Variants in CENPK observed in about 807,000 individuals in gnomAD.
The protein encoded by CENPK is centromere protein K.
Under a neutral mutation model 40.9 loss-of-function variants are expected in CENPK, and 46 were observed. The observed-to-expected ratio is 1.13, with a 90% CI of 0.89 to 1.44. CENPK has a LOEUF of 1.44. Ranked by LOEUF, CENPK falls within the 40% of genes most tolerant of loss-of-function variation. The pLI is 0.00. For missense variants in CENPK, 288 were observed against 303.5 expected (o/e 0.95, Z 0.38); for synonymous variants, 107 against 104.4 (o/e 1.02, Z -0.15).
chr5:65,553,958 G>A (rs1750557363), intron 3 of CENPK, among the ~76,000 whole-genome samples: 1 of 151,936 alleles, frequency 6.6e-6, no homozygotes. Flanking sequence ...TTTATGTTCT[G>A]GTCCCTGATT....
the CENPK span, among the ~76,000 whole-genome samples, chr5:65,502,459 G>C: frequency 1.3e-5 from 2 of 152,218 alleles, no homozygotes; most frequent in Admixed American, 1.3e-4. Flanking sequence ...AGGAGGAATA[G>C]AGAGGAGTGT....
chr5:65,510,481 A>G, the CENPK span, among the ~76,000 whole-genome samples: 1 of 152,152 alleles, frequency 6.6e-6, no homozygotes, highest in African/African-American at 2.4e-5. Flanking sequence ...GCTCTAATGA[A>G]TGAAAAATGG....
At chr5:65,526,075 C>A (rs1744657653) in intron 9 of CENPK, among the ~76,000 whole-genome samples, 1 of 152,056 alleles carries the variant, frequency 6.6e-6, no homozygotes, top group Non-Finnish European at 1.5e-5. Context: ...AGTCCTTATA[C>A]ATCATAAAAA....
In CENPK at chr5:65,554,663, T is replaced by C; in HGVS notation, c.111+134A>G. 20 of 627,626 alleles carry C rather than the reference T, an allele frequency of 3.2e-5. 2 individuals carry two copies. In the South Asian group the frequency reaches 4.1e-4, roughly 13 times the overall value. The allele number at this position is 627,626 out of a possible 1,614,324, so 38.9% of individuals were successfully genotyped here. A position where few individuals can be genotyped will look rare whatever the true frequency, so the allele number is the denominator to read the frequency against. ...TTTCTTGAATGAATGCTGATAGGTCTAAAAGCTATATAAATATTTATCATA... is the reference window on the plus strand; with the variant it reads ...TTTCTTGAATGAATGCTGATAGGTCCAAAAGCTATATAAATATTTATCATA... On this transcript the variant is annotated intron_variant, in intron 3 of 10. Coordinates refer to ENST00000396679, the MANE Select transcript of CENPK (RefSeq NM_022145.5).
intron 9 of CENPK, 147 bp downstream of exon 9, chr5:65,528,305 T>G (rs1745108774): frequency 2.0e-6 from 1 of 499,492 alleles, no homozygotes; most frequent in Non-Finnish European, 2.9e-6. Context: ...ATTAGGTTGC[T>G]TCTAGTCTTT....
chr5:65,545,378 A>G (rs1748741918), intron 5 of CENPK, among the ~76,000 whole-genome samples: 1 of 133,538 alleles, frequency 7.5e-6, no homozygotes, highest in African/African-American at 2.9e-5. Flanking sequence ...ACACACACAC[A>G]CACGCCTTCT....
chr5:65,553,100 C>CAAAAAAT (rs1435910232), intron 3 of CENPK, among the ~76,000 whole-genome samples: 2 of 151,348 alleles, frequency 1.3e-5, no homozygotes, highest in African/African-American at 4.9e-5. Context: ...ATACCTGAAG[C>CAAAAAAT]AAAAAATAAA....
At chr5:65,546,935 A>G (rs1023500454) in intron 5 of CENPK, among the ~76,000 whole-genome samples, 1 of 152,230 alleles carries the variant, frequency 6.6e-6, no homozygotes, top group African/African-American at 2.4e-5. Context: ...TATTATAGAT[A>G]TAACACATAA....
chr5:65,536,182 T>C (rs545021146), intron 6 of CENPK, among the ~76,000 whole-genome samples: 4 of 152,360 alleles, frequency 2.6e-5, no homozygotes, highest in African/African-American at 4.8e-5. Flanking sequence ...GTTTGGATTC[T>C]GGCCACTCTA....
At chr5:65,547,605 T>C (rs533183473) in intron 5 of CENPK, among the ~76,000 whole-genome samples, 2 of 151,974 alleles carry the variant, frequency 1.3e-5, no homozygotes, top group African/African-American at 4.8e-5. Context: ...AAAGCAAGAA[T>C]ATGGATAAAA....
At chr5:65,540,651 TA>T (rs1747798163) in intron 6 of CENPK, among the ~76,000 whole-genome samples, 1 of 152,086 alleles carries the variant, frequency 6.6e-6, no homozygotes, top group Non-Finnish European at 1.5e-5. Context: ...GAAGCTTCCA[TA>T]AAACCCCAAA....
chr5:65,516,850 A>G (rs1364769528), downstream of CENPK, among the ~76,000 whole-genome samples: 1 of 152,222 alleles, frequency 6.6e-6, no homozygotes, highest in Non-Finnish European at 1.5e-5. Context: ...AGTATTTGAT[A>G]CACTCCATTT....
Position 65,552,531 on chromosome 5 carries a change from G to C in CENPK, c.130C>G (p.Leu44Val), listed in dbSNP as rs775330841. 9.7e-6 allele frequency: 15 copies of C among 1,543,616 alleles called. No individual in the cohort carries two copies. Among genetic ancestry groups the C allele is most frequent in the African/African-American group, 1.4e-5 (1 of 71,404 alleles). Residue 44 changes from leucine to valine, a missense_variant, in exon 4 of 11, where the codon CTT becomes GTT. Transcript: ENST00000396679. The part of the protein sequence containing the change: ...DMEECQNKLS[L>V]IGTETLTDSN... ...TCGGTGAGTGTTTCAGTTCCAATAA[G>C]TGATAATTTATTCTGACACTTGATT...
the CENPK span, among the ~76,000 whole-genome samples, chr5:65,508,645 GC>G: frequency 3.9e-5 from 6 of 152,092 alleles, no homozygotes; most frequent in African/African-American, 1.4e-4. Flanking sequence ...AATTAGCCGG[GC>G]ATGGTGGCAG....
intron 6 of CENPK, among the ~76,000 whole-genome samples, chr5:65,534,337 CA>C (rs554543967): frequency 5.6e-4 from 86 of 152,240 alleles, no homozygotes; most frequent in African/African-American, 2.0e-3. Flanking sequence ...AAATTTCAAT[CA>C]AAGTTCCAGC....
the CENPK span, among the ~76,000 whole-genome samples, chr5:65,512,625 A>C: frequency 1.3e-4 from 20 of 152,370 alleles, no homozygotes; most frequent in African/African-American, 4.6e-4. Flanking sequence ...ATGTATAGTT[A>C]CTAGACTACA....
chr5:65,552,697 T>C, intron 3 of CENPK, 148 bp from the exon 4 acceptor site: 1 of 451,004 alleles, frequency 2.2e-6, no homozygotes, highest in Non-Finnish European at 3.9e-6. Flanking sequence ...CCTCACTATG[T>C]AAGACGATTA....
intron 5 of CENPK, among the ~76,000 whole-genome samples, chr5:65,545,853 C>T (rs763282142): frequency 2.6e-5 from 4 of 152,044 alleles, no homozygotes; most frequent in Non-Finnish European, 5.9e-5. Context: ...CTCCTATCTG[C>T]AGAAACTGGG....
chr5:65,508,366 GT>G, the CENPK span, among the ~76,000 whole-genome samples: 1 of 152,242 alleles, frequency 6.6e-6, no homozygotes, highest in Middle Eastern at 3.4e-3. Context: ...CCATTTGATT[GT>G]AATTTTCTAT....
Sources: allele counts gnomAD v4.1 joint callset (sites outside exome capture counted in the v4.1 genomes callset), GRCh38; gene constraint gnomAD v4.1.1; transcripts MANE v1.5; gene names NCBI Gene and HGNC (gene_info 2026-07-23, HGNC 2026-07-21).